PRH1: variants seen among roughly 807,000 people sequenced by gnomAD.
The protein encoded by PRH1 is salivary acidic proline-rich phosphoprotein 1/2.
A neutral mutation model predicts 7.9 loss-of-function variants in PRH1; 7 were observed. The observed-to-expected ratio is 0.89, with a 90% CI of 0.50 to 1.67. The LOEUF (loss-of-function observed/expected upper bound fraction) is 1.67. Ranked by LOEUF, PRH1 falls within the 40% of genes most tolerant of loss-of-function variation. PRH1 has a pLI of 0.00. For missense variants in PRH1, 109 were observed against 223.6 expected, an observed-to-expected ratio of 0.49 and a Z score of 3.27; for synonymous variants, 45 against 80.8, an observed-to-expected ratio of 0.56 and a Z score of 2.38.
chr12:11,005,064 A>C (rs1280504771), intron 1 of PRH1, among the ~76,000 whole-genome samples: 1 of 152,110 alleles, frequency 6.6e-6, no homozygotes, highest in Non-Finnish European at 1.5e-5. Context: ...CTGATTTCTG[A>C]ATGTGCATTA....
intron 1 of PRH1, among the ~76,000 whole-genome samples, chr12:11,084,161 C>T (rs888624862): frequency 4.2e-5 from 5 of 120,182 alleles, no homozygotes; most frequent in Non-Finnish European, 4.0e-5. Context: ...TTAAAAACTC[C>T]TTCCCTCCTT....
At chr12:11,098,818 T>C (rs1300418073) in intron 1 of PRH1, among the ~76,000 whole-genome samples, 1 of 152,174 alleles carries the variant, frequency 6.6e-6, no homozygotes, top group Admixed American at 6.5e-5. Context: ...AGCTCATAAA[T>C]ATGAACACAA....
At position 11,130,252 on chromosome 12, in the gene PRH1, C is replaced by T. The variant is rs764469459; in HGVS notation, n.40-9072G>A. 1.3e-5 allele frequency among the ~76,000 whole-genome samples: 2 copies of T among 152,040 alleles called. 1 individual carries two copies. Among genetic ancestry groups the T allele is most frequent in the Non-Finnish European group, 2.9e-5 (2 of 68,004 alleles). ...TATAACATTGAGCAGAAGTAAAATA[C>T]CAGAAGAAAATAGATAAATCAGAGA... is the stretch of plus-strand genomic sequence containing the variant. On this transcript the variant is annotated intron_variant and non_coding_transcript_variant, in intron 1 of 1. Coordinates refer to the PRH1 transcript ENST00000541175.
chr12:11,035,763 C>G (rs1942410728), intron 1 of PRH1, among the ~76,000 whole-genome samples: 1 of 152,118 alleles, frequency 6.6e-6, no homozygotes. Context: ...GTCATCACCA[C>G]AAACTCTTTT....
At chr12:10,924,306 A>G (rs1450213352) in intron 2 of PRH1, among the ~76,000 whole-genome samples, 1 of 152,006 alleles carries the variant, frequency 6.6e-6, no homozygotes, top group African/African-American at 2.4e-5. Context: ...CATCTATTCT[A>G]AGTTTCTATT....
chr12:10,950,222 T>A (rs1023610802), intron 2 of PRH1, among the ~76,000 whole-genome samples: 7 of 152,266 alleles, frequency 4.6e-5, no homozygotes, highest in African/African-American at 1.7e-4. Flanking sequence ...ACTTTTTTCA[T>A]ATGTATTCCA....
intron 1 of PRH1, among the ~76,000 whole-genome samples, chr12:11,121,897 C>A (rs1030874115): frequency 6.6e-6 from 1 of 152,064 alleles, no homozygotes; most frequent in African/African-American, 2.4e-5. Context: ...ACATGTGGTA[C>A]AAATTACAAT....
At chr12:11,160,524 G>A (rs961565402) in intron 1 of PRH1, among the ~76,000 whole-genome samples, 1 of 152,248 alleles carries the variant, frequency 6.6e-6, no homozygotes, top group South Asian at 2.1e-4. Flanking sequence ...AGGCTGTACT[G>A]CAGTGGCACA....
chr12:11,138,170 T>C (rs938613745), intron 1 of PRH1, among the ~76,000 whole-genome samples: 3 of 152,152 alleles, frequency 2.0e-5, no homozygotes, highest in Non-Finnish European at 2.9e-5. Flanking sequence ...AATATGAAAA[T>C]AGACAAATAC....
At chr12:10,916,084 T>C (rs1010534425) in intron 2 of PRH1, among the ~76,000 whole-genome samples, 1 of 152,146 alleles carries the variant, frequency 6.6e-6, no homozygotes, top group African/African-American at 2.4e-5. Flanking sequence ...CTCACAATCA[T>C]GGTGGAAGAC....
intron 2 of PRH1, among the ~76,000 whole-genome samples, chr12:10,897,758 T>A (rs1300690381): frequency 6.6e-6 from 1 of 152,084 alleles, no homozygotes; most frequent in African/African-American, 2.4e-5. Flanking sequence ...TTGTGATAAC[T>A]CACTCACTCA....
intron 2 of PRH1, chr12:10,891,374 A>C (rs1179315046): frequency 6.6e-6 from 1 of 152,218 alleles, no homozygotes; most frequent in East Asian, 1.9e-4. Context: ...AGCTAAATCT[A>C]AAAGTGTCAT....
intron 1 of PRH1, among the ~76,000 whole-genome samples, chr12:11,084,015 C>G (rs780035417): frequency 9.9e-5 from 12 of 121,478 alleles, no homozygotes; most frequent in Non-Finnish European, 2.1e-4. Flanking sequence ...TACCTCACAC[C>G]CCTCCTTCTT....
intron 1 of PRH1, chr12:11,097,187 C>A: frequency 4.5e-6 from 1 of 223,210 alleles, no homozygotes; most frequent in Non-Finnish European, 9.9e-6. Context: ...ACGAGTTTAT[C>A]AACAAATGAA....
At chr12:10,926,253 T>C (rs1056069583) in intron 2 of PRH1, among the ~76,000 whole-genome samples, 8 of 152,218 alleles carry the variant, frequency 5.3e-5, no homozygotes, top group Non-Finnish European at 8.8e-5. Flanking sequence ...CCAATGTACA[T>C]AAACTGCCAG....
At chr12:11,151,136 A>G (rs1171073546) in intron 1 of PRH1, among the ~76,000 whole-genome samples, 2 of 152,074 alleles carry the variant, frequency 1.3e-5, no homozygotes. Flanking sequence ...GCCTGATACT[A>G]CCCACCTCTC....
intron 2 of PRH1, among the ~76,000 whole-genome samples, chr12:10,940,278 C>T (rs1428225299): frequency 2.0e-5 from 3 of 152,190 alleles, no homozygotes; most frequent in African/African-American, 7.2e-5. Context: ...TTTCTCTTTT[C>T]ACTTAAATAA....
At chr12:11,017,925 A>C (rs1941381183) in intron 1 of PRH1, among the ~76,000 whole-genome samples, 1 of 152,184 alleles carries the variant, frequency 6.6e-6, no homozygotes, top group Non-Finnish European at 1.5e-5. Context: ...CTGATGTGTT[A>C]ATAAAGTCCT....
At chr12:11,145,291 A>G (rs1200006625) in intron 1 of PRH1, among the ~76,000 whole-genome samples, 1 of 152,154 alleles carries the variant, frequency 6.6e-6, no homozygotes, top group East Asian at 1.9e-4. Context: ...TCTCAGGTTC[A>G]AGTGATTCTC....
Sources: allele counts gnomAD v4.1 joint callset (sites outside exome capture counted in the v4.1 genomes callset), GRCh38; gene constraint gnomAD v4.1.1; transcripts MANE v1.5; gene names NCBI Gene and HGNC (gene_info 2026-07-23, HGNC 2026-07-21).